Variants in FRMD4A observed in about 807,000 individuals in gnomAD.
The protein encoded by FRMD4A is FERM domain containing 4A.
FRMD4A carries 29 observed loss-of-function variants against 129.1 expected under a neutral mutation model. The ratio of observed to expected loss-of-function variants is 0.22; its 90% CI spans 0.17 to 0.31. The LOEUF is 0.31. FRMD4A is among the 10% of genes least tolerant of loss of function. FRMD4A has a pLI of 1.00. For synonymous variants in FRMD4A, 634 were observed against 571.6 expected, an observed-to-expected ratio of 1.11 and a Z score of -1.56; for missense variants, 1,272 against 1,375.8, an observed-to-expected ratio of 0.92 and a Z score of 1.19.
At chr10:13,720,286 C>T (rs1246817184) in intron 12 of FRMD4A, among the ~76,000 whole-genome samples, 3 of 152,172 alleles carry the variant, frequency 2.0e-5, no homozygotes, top group African/African-American at 4.8e-5. Flanking sequence ...TGACTTCAGG[C>T]GATCCGCCCA....
At chr10:14,069,890 C>T (rs1422732354) in intron 2 of FRMD4A, among the ~76,000 whole-genome samples, 1 of 152,116 alleles carries the variant, frequency 6.6e-6, no homozygotes, top group Admixed American at 6.5e-5. Context: ...GCCTTTCTAA[C>T]TTTTGCTGTC....
At chr10:14,269,870 GCAGAAAGAGAAACC>G (rs1286577975) in intron 2 of FRMD4A, among the ~76,000 whole-genome samples, 5 of 152,308 alleles carry the variant, frequency 3.3e-5, no homozygotes, top group South Asian at 4.2e-4. Context: ...CCCCTCTCCT[GCAGAAAGAGAAACC>G]CAGGTGATTT....
In FRMD4A at chr10:13,899,987, A is replaced by C. The variant is rs926515893; in HGVS notation, c.46-41075T>G. On this transcript the variant is annotated intron_variant, in intron 2 of 24. Coordinates refer to ENST00000357447, the MANE Select transcript of FRMD4A (RefSeq NM_018027.5). ...GTGTTTATAGTGAATAACACTGGCA[A>C]GTTTTCCTTTCATATGTCAAGCAGG... Among the ~76,000 whole-genome samples the C allele has an allele frequency of 2.6e-5, 4 of 152,138 alleles. No homozygotes were observed. In the East Asian group the frequency reaches 7.7e-4, roughly 29 times the overall value.
intron 2 of FRMD4A, among the ~76,000 whole-genome samples, chr10:13,905,949 G>C (rs1269756901): frequency 2.6e-5 from 4 of 152,194 alleles, no homozygotes; most frequent in Non-Finnish European, 5.9e-5. Flanking sequence ...ATCATGTTCA[G>C]CCACAGAACA....
chr10:13,690,403 C>T (rs1051590735), intron 15 of FRMD4A, among the ~76,000 whole-genome samples: 5 of 152,176 alleles, frequency 3.3e-5, no homozygotes, highest in East Asian at 3.9e-4. Context: ...CACAGGCAGC[C>T]GTCAGCCATC....
chr10:13,990,776 G>T (rs2095600500), intron 2 of FRMD4A, among the ~76,000 whole-genome samples: 1 of 152,156 alleles, frequency 6.6e-6, no homozygotes. Flanking sequence ...CCGCATTTGG[G>T]AATCTGTTAT....
At chr10:14,081,925 C>G (rs1047600892) in intron 2 of FRMD4A, among the ~76,000 whole-genome samples, 2 of 152,240 alleles carry the variant, frequency 1.3e-5, no homozygotes, top group Non-Finnish European at 2.9e-5. Context: ...TCACTCCATA[C>G]TTCTTAAAGA....
intron 3 of FRMD4A, among the ~76,000 whole-genome samples, chr10:13,845,084 T>C (rs944275435): frequency 1.3e-5 from 2 of 152,158 alleles, no homozygotes; most frequent in South Asian, 2.1e-4. Context: ...AAGGATGGGG[T>C]CATTTACATG....
chr10:14,055,995 C>A (rs1340038979), intron 2 of FRMD4A, among the ~76,000 whole-genome samples: 1 of 152,098 alleles, frequency 6.6e-6, no homozygotes, highest in Non-Finnish European at 1.5e-5. Flanking sequence ...AGTGCAGTGG[C>A]GCGATCTCGG....
intron 2 of FRMD4A, among the ~76,000 whole-genome samples, chr10:14,321,068 T>G (rs1843027586): frequency 6.6e-6 from 1 of 152,234 alleles, no homozygotes; most frequent in Non-Finnish European, 1.5e-5. Context: ...ATTTTTATTT[T>G]TATTTTTGTC....
chr10:13,750,109 G>GAAAGA (rs59377985), intron 8 of FRMD4A, among the ~76,000 whole-genome samples: 7 of 73,576 alleles, frequency 9.5e-5, no homozygotes, highest in African/African-American at 3.5e-4. Context: ...AGAAAGAAAT[G>GAAAGA]AAGAAAGAAA....
chr10:14,164,833 C>T (rs1355095087), intron 2 of FRMD4A, among the ~76,000 whole-genome samples: 9 of 152,210 alleles, frequency 5.9e-5, no homozygotes, highest in Admixed American at 5.2e-4. Flanking sequence ...TGCAGCCCAA[C>T]ACAAATTCTT....
At chr10:14,267,847 A>T (rs187484527) in intron 2 of FRMD4A, among the ~76,000 whole-genome samples, 1 of 152,290 alleles carries the variant, frequency 6.6e-6, no homozygotes, top group Non-Finnish European at 1.5e-5. Context: ...ATACCTAATC[A>T]CTCTGTAGGA....
intron 2 of FRMD4A, among the ~76,000 whole-genome samples, chr10:13,879,934 C>A (rs2094529097): frequency 6.6e-6 from 1 of 151,940 alleles, no homozygotes; most frequent in African/African-American, 2.4e-5. Flanking sequence ...GTGTGAGCCA[C>A]CACGCTTGGC....
intron 2 of FRMD4A, among the ~76,000 whole-genome samples, chr10:13,900,011 G>C (rs2131189682): frequency 6.6e-6 from 1 of 152,238 alleles, no homozygotes; most frequent in Middle Eastern, 3.4e-3. Flanking sequence ...ATGTCAAGCA[G>C]GTGTTAAAAA....
At chr10:14,173,223 G>A (rs564137312) in intron 2 of FRMD4A, among the ~76,000 whole-genome samples, 1 of 152,098 alleles carries the variant, frequency 6.6e-6, no homozygotes, top group African/African-American at 2.4e-5. Flanking sequence ...GAAAACTTTG[G>A]ATCTATCCAT....
At chr10:13,787,962 C>T (rs750558853) in intron 5 of FRMD4A, among the ~76,000 whole-genome samples, 11 of 152,148 alleles carry the variant, frequency 7.2e-5, no homozygotes, top group Non-Finnish European at 1.0e-4. Flanking sequence ...TAACTACCAG[C>T]ATGGAGCAGG....
chr10:14,010,709 T>C (rs2131634920), intron 2 of FRMD4A, among the ~76,000 whole-genome samples: 1 of 130,858 alleles, frequency 7.6e-6, no homozygotes, highest in East Asian at 2.6e-4. Context: ...AGGGTCTCAC[T>C]ATATTGCTCA....
chr10:14,328,599 G>A (rs1843380001), intron 2 of FRMD4A, among the ~76,000 whole-genome samples: 1 of 149,766 alleles, frequency 6.7e-6, no homozygotes, highest in Non-Finnish European at 1.5e-5. Context: ...TTCTGTTAGT[G>A]TACTAGATAA....
Sources: allele counts gnomAD v4.1 joint callset (sites outside exome capture counted in the v4.1 genomes callset), GRCh38; gene constraint gnomAD v4.1.1; transcripts MANE v1.5; gene names NCBI Gene and HGNC (gene_info 2026-07-23, HGNC 2026-07-21).